The following COLEC10 variants were observed in gnomAD, a reference collection of about 807,000 sequenced individuals.
The protein encoded by COLEC10 is collectin subfamily member 10.
A neutral mutation model predicts 28.4 loss-of-function variants in COLEC10; 22 were observed. The ratio of observed to expected loss-of-function variants is 0.78; its 90% CI spans 0.55 to 1.11. The LOEUF (loss-of-function observed/expected upper bound fraction) is 1.11, where lower values mean the gene tolerates loss of function less well. Ranked by LOEUF, COLEC10 falls within the 50% of genes least tolerant of loss-of-function variation. The pLI is 0.00. For missense variants in COLEC10, 361 were observed against 344.1 expected (o/e 1.05, Z -0.39); for synonymous variants, 125 against 116.1 (o/e 1.08, Z -0.49).
In COLEC10 at chr8:119,001,199, T is replaced by C. The variant is rs573674574; in HGVS notation, n.122+5626T>C. On this transcript the variant is annotated intron_variant and non_coding_transcript_variant, in intron 1 of 6. Coordinates refer to the COLEC10 transcript ENST00000521788. Reference sequence around the variant, plus strand: ...GAATTTTAGTGTCATAGTGGAAAAATTTGAGAAAGCGATAAGGAGTAGAAG... The same window carrying C: ...GAATTTTAGTGTCATAGTGGAAAAACTTGAGAAAGCGATAAGGAGTAGAAG... Among the ~76,000 whole-genome samples, 22 of 152,040 alleles carry C rather than the reference T, an allele frequency of 1.4e-4. No homozygotes were observed. In the South Asian group the frequency reaches 4.6e-3, roughly 32 times the overall value.
chr8:119,085,599 C>CTTCT (rs1563739053), intron 1 of COLEC10, among the ~76,000 whole-genome samples: 16 of 63,550 alleles, frequency 2.5e-4, no homozygotes, highest in South Asian at 6.2e-4. Context: ...TCTTCTTCTT[C>CTTCT]TTTTTTTTTT....
At chr8:118,994,182 T>C (rs1813553348), upstream of COLEC10, among the ~76,000 whole-genome samples, 4 of 152,146 alleles carry the variant, frequency 2.6e-5, no homozygotes, top group South Asian at 8.3e-4. Context: ...TTCAGTCCTC[T>C]TGTAGCTGGA....
intron 1 of COLEC10, among the ~76,000 whole-genome samples, chr8:119,080,238 C>T (rs904095872): frequency 6.6e-6 from 1 of 152,024 alleles, no homozygotes; most frequent in South Asian, 2.1e-4. Flanking sequence ...CATATCTTGT[C>T]CAAGGTAATC....
At chr8:118,996,249 T>C (rs951963685) in intron 1 of COLEC10, among the ~76,000 whole-genome samples, 10 of 152,192 alleles carry the variant, frequency 6.6e-5, no homozygotes, top group Non-Finnish European at 1.0e-4. Context: ...TGTGTGTACA[T>C]ACAACATTTC....
chr8:118,983,641 G>A, the COLEC10 span, among the ~76,000 whole-genome samples: 1 of 151,732 alleles, frequency 6.6e-6, no homozygotes, highest in Non-Finnish European at 1.5e-5. Context: ...AATTTTACAG[G>A]CAAAAAACAA....
At chr8:118,997,552 T>C (rs1239878752) in intron 1 of COLEC10, among the ~76,000 whole-genome samples, 1 of 152,226 alleles carries the variant, frequency 6.6e-6, no homozygotes, top group Non-Finnish European at 1.5e-5. Flanking sequence ...GTCCTCATTT[T>C]TCAATGAGAA....
the COLEC10 span, among the ~76,000 whole-genome samples, chr8:118,972,867 G>A: frequency 6.6e-6 from 1 of 151,988 alleles, no homozygotes; most frequent in African/African-American, 2.4e-5. Flanking sequence ...TGGCTAGAGA[G>A]GCCTCAAGAA....
At chr8:119,026,856 C>A (rs1161966318) in intron 2 of COLEC10, among the ~76,000 whole-genome samples, 1 of 152,160 alleles carries the variant, frequency 6.6e-6, no homozygotes, top group African/African-American at 2.4e-5. Flanking sequence ...CCTTTGCAAA[C>A]TTGCATCTAT....
intron 2 of COLEC10, among the ~76,000 whole-genome samples, chr8:119,048,554 T>A (rs894444027): frequency 6.6e-6 from 1 of 152,212 alleles, no homozygotes; most frequent in African/African-American, 2.4e-5. Flanking sequence ...GATGGTTAAG[T>A]TTTCTTTTTG....
intron 1 of COLEC10, among the ~76,000 whole-genome samples, chr8:119,081,353 T>A (rs1268899559): frequency 6.6e-6 from 1 of 152,162 alleles, no homozygotes; most frequent in Non-Finnish European, 1.5e-5. Context: ...TTTTTAGATA[T>A]TTTTATTTTA....
At chr8:119,005,810 C>T (rs1813783855) in intron 1 of COLEC10, among the ~76,000 whole-genome samples, 1 of 152,034 alleles carries the variant, frequency 6.6e-6, no homozygotes. Flanking sequence ...AAGGCTATCA[C>T]ATGGGGTGGA....
the COLEC10 span, among the ~76,000 whole-genome samples, chr8:118,967,380 G>A: frequency 6.6e-6 from 1 of 152,072 alleles, no homozygotes; most frequent in African/African-American, 2.4e-5. Context: ...TTCATAGTAT[G>A]GTAATACTGA....
chr8:118,954,364 G>A, the COLEC10 span, among the ~76,000 whole-genome samples: 1 of 152,192 alleles, frequency 6.6e-6, no homozygotes, highest in Non-Finnish European at 1.5e-5. Flanking sequence ...TATTCTTGGA[G>A]CAATCTGGCC....
At chr8:118,990,023 G>T in the COLEC10 span, among the ~76,000 whole-genome samples, 1 of 151,946 alleles carries the variant, frequency 6.6e-6, no homozygotes, top group Non-Finnish European at 1.5e-5. Flanking sequence ...TACTATATAT[G>T]TAGATACTGT....
chr8:119,104,198 A>G (rs1467667146), intron 5 of COLEC10, among the ~76,000 whole-genome samples: 1 of 152,174 alleles, frequency 6.6e-6, no homozygotes, highest in Non-Finnish European at 1.5e-5. Context: ...AAGAGACAGT[A>G]AGAGTCACAC....
intron 3 of COLEC10, among the ~76,000 whole-genome samples, chr8:119,093,661 T>A (rs1046466981): frequency 6.6e-6 from 1 of 152,232 alleles, no homozygotes; most frequent in African/African-American, 2.4e-5. Context: ...TAACATTTTT[T>A]AAAGATACTA....
At chr8:118,995,833 T>A (rs556285788) in intron 1 of COLEC10, among the ~76,000 whole-genome samples, 1 of 151,826 alleles carries the variant, frequency 6.6e-6, no homozygotes, top group African/African-American at 2.4e-5. Flanking sequence ...ATTTTAATGA[T>A]CAAACTTGGA....
At chr8:119,005,395 C>A (rs1450034541) in intron 1 of COLEC10, among the ~76,000 whole-genome samples, 1 of 152,124 alleles carries the variant, frequency 6.6e-6, no homozygotes, top group East Asian at 1.9e-4. Context: ...TGTCCTCAAG[C>A]TACACAGTTT....
the COLEC10 span, among the ~76,000 whole-genome samples, chr8:118,967,384 A>G: frequency 1.1e-4 from 16 of 152,168 alleles, no homozygotes; most frequent in Admixed American, 9.2e-4. Context: ...TAGTATGGTA[A>G]TACTGAAAAT....
Sources: allele counts gnomAD v4.1 joint callset (sites outside exome capture counted in the v4.1 genomes callset), GRCh38; gene constraint gnomAD v4.1.1; transcripts MANE v1.5; gene names NCBI Gene and HGNC (gene_info 2026-07-23, HGNC 2026-07-21).